The following CSMD1 variants were observed in gnomAD, a reference collection of about 807,000 sequenced individuals.
CSMD1 encodes CUB and sushi domain-containing protein 1.
A neutral mutation model predicts 417.5 loss-of-function variants in CSMD1; 213 were observed. That is an observed-to-expected ratio of 0.51 (90% CI 0.46 to 0.57). The LOEUF (loss-of-function observed/expected upper bound fraction) is 0.57, where lower values mean the gene tolerates loss of function less well. Ranked by LOEUF, CSMD1 falls within the 20% of genes least tolerant of loss-of-function variation. CSMD1 has a pLI of 0.00. For missense variants in CSMD1, 6,923 were observed against 4,529.7 expected (o/e 1.53, Z -15.17); for synonymous variants, 2,862 against 1,736.8 (o/e 1.65, Z -16.11).
chr8:3,693,069 A>C (rs2623597), intron 7 of CSMD1, among the ~76,000 whole-genome samples: 143,580 of 152,186 alleles, frequency 0.94, 67,802 homozygotes, highest in East Asian at 1. Context: ...AATAATCAGG[A>C]ATACATTTAT....
chr8:4,034,388 G>C (rs545023430), intron 3 of CSMD1, among the ~76,000 whole-genome samples: 115 of 152,290 alleles, frequency 7.6e-4, no homozygotes, highest in Non-Finnish European at 1.4e-3. Context: ...ACAGAAATCT[G>C]TTTGAAAACA....
chr8:4,847,508 T>C (rs1397707516), intron 1 of CSMD1, among the ~76,000 whole-genome samples: 4 of 152,220 alleles, frequency 2.6e-5, no homozygotes. Flanking sequence ...CATGTTAAAT[T>C]AGTGTCATAC....
At chr8:3,188,682 G>A (rs75228834) in intron 35 of CSMD1, among the ~76,000 whole-genome samples, 20,952 of 151,884 alleles carry the variant, frequency 0.14, 1,813 homozygotes, top group Admixed American at 0.21. Flanking sequence ...TCAAAATATA[G>A]AAAAATGGTT....
intron 2 of CSMD1, among the ~76,000 whole-genome samples, chr8:4,581,408 A>G (rs979091753): frequency 7.2e-5 from 11 of 152,158 alleles, no homozygotes; most frequent in Admixed American, 7.2e-4. Context: ...TATGACTCCA[A>G]TTTTTATCTT....
chr8:4,504,520 T>C (rs1457134603), intron 2 of CSMD1, among the ~76,000 whole-genome samples: 1 of 152,124 alleles, frequency 6.6e-6, no homozygotes, highest in Non-Finnish European at 1.5e-5. Flanking sequence ...AACATGCAGG[T>C]TCGTTACATA....
At chr8:4,397,693 T>A (rs1454347944) in intron 3 of CSMD1, among the ~76,000 whole-genome samples, 1 of 152,050 alleles carries the variant, frequency 6.6e-6, no homozygotes, top group Non-Finnish European at 1.5e-5. Flanking sequence ...AAATAGATAT[T>A]AATAAGATTT....
rs554148014 is a variant in CSMD1 at position 4,374,723 on chromosome 8, G to C, written c.415+45230C>G. 1.7e-4 allele frequency among the ~76,000 whole-genome samples: 26 copies of C among 152,268 alleles called. 1 individual carries two copies. The highest frequency in any genetic ancestry group is 6.3e-4 in the African/African-American group (26 of 41,548). On this transcript the variant is annotated intron_variant, in intron 3 of 69. Transcript: ENST00000635120. ...AGCAGCTGCATCCGTGTCTGGAGCA[G>C]ACTAAGCATGAGCAGCAGAGACGTC...
intron 25 of CSMD1, among the ~76,000 whole-genome samples, chr8:3,294,843 T>G (rs1235817520): frequency 2.0e-5 from 3 of 152,108 alleles, no homozygotes; most frequent in Non-Finnish European, 2.9e-5. Context: ...GCACCCACTT[T>G]CCGACACTCC....
chr8:3,531,572 C>A (rs1797981734), intron 10 of CSMD1, among the ~76,000 whole-genome samples: 1 of 152,158 alleles, frequency 6.6e-6, no homozygotes, highest in African/African-American at 2.4e-5. Flanking sequence ...CCATGCAGTC[C>A]AGGTTCCATC....
intron 8 of CSMD1, among the ~76,000 whole-genome samples, chr8:3,586,712 T>C (rs1800617145): frequency 6.6e-6 from 1 of 152,228 alleles, no homozygotes; most frequent in Non-Finnish European, 1.5e-5. Flanking sequence ...TGTATTTTGC[T>C]ATCACACATG....
intron 60 of CSMD1, 141 bp downstream of exon 60, chr8:2,963,081 T>A: frequency 1.1e-6 from 1 of 901,916 alleles, no homozygotes; most frequent in Non-Finnish European, 1.7e-6. Context: ...CAACACAGTC[T>A]CAAGTTTGAG....
chr8:3,298,982 C>A (rs192993002), intron 25 of CSMD1, among the ~76,000 whole-genome samples: 14 of 152,278 alleles, frequency 9.2e-5, no homozygotes, highest in Admixed American at 9.2e-4. Context: ...GAAAAACAAA[C>A]ATGCACCCTG....
Position 3,960,168 on chromosome 8 carries a change from G to C in CSMD1, c.818+37735C>G, listed in dbSNP as rs555194248. Among the ~76,000 whole-genome samples the C allele has an allele frequency of 2.0e-5, 3 of 152,216 alleles. No homozygotes were observed. In the South Asian group the frequency reaches 6.2e-4, roughly 32 times the overall value. On this transcript the variant is annotated intron_variant, in intron 5 of 69. Transcript: ENST00000635120. ...GACATTTTTTACAGCGTATCTTCTT[G>C]TATGTTGCCTTTACTTGTGAATTTT...
chr8:4,020,708 G>C (rs894243381), intron 4 of CSMD1, among the ~76,000 whole-genome samples: 3 of 152,142 alleles, frequency 2.0e-5, no homozygotes, highest in Non-Finnish European at 4.4e-5. Flanking sequence ...GCGAATCCGC[G>C]TGTTCCTCAA....
chr8:3,922,188 G>C (rs758727910), intron 5 of CSMD1, among the ~76,000 whole-genome samples: 5 of 151,648 alleles, frequency 3.3e-5, no homozygotes, highest in African/African-American at 1.2e-4. Flanking sequence ...TAAAAATATA[G>C]ACAACCCTAC....
At chr8:3,051,424 C>T (rs1404250242) in intron 50 of CSMD1, among the ~76,000 whole-genome samples, 2 of 152,144 alleles carry the variant, frequency 1.3e-5, no homozygotes, top group Non-Finnish European at 2.9e-5. Flanking sequence ...AAGGCAGCAA[C>T]AGACACTGGG....
chr8:4,196,326 C>T (rs903169444), intron 3 of CSMD1, among the ~76,000 whole-genome samples: 1 of 152,186 alleles, frequency 6.6e-6, no homozygotes, highest in African/African-American at 2.4e-5. Flanking sequence ...TACATTACTA[C>T]AAATAGAGCG....
chr8:4,738,048 A>G (rs974030357), intron 1 of CSMD1, among the ~76,000 whole-genome samples: 2 of 152,238 alleles, frequency 1.3e-5, no homozygotes, highest in Non-Finnish European at 2.9e-5. Context: ...GAAAAGTGGT[A>G]ATAGTAAAAA....
In CSMD1 at chr8:3,665,457, A is replaced by C. The variant is rs201435676; in HGVS notation, c.1009+42957T>G. The stretch of plus-strand genomic sequence containing the variant: ...GGCACAAGAATTGCTTGAACCCGGG[A>C]GACGGAGGTTGCAGTGAGCCAAGAT... On this transcript the variant is annotated intron_variant, in intron 7 of 69. Transcript: ENST00000635120. Among the ~76,000 whole-genome samples the C allele has an allele frequency of 2.3e-4, 35 of 152,280 alleles. 1 individual carries two copies. In the East Asian group the frequency reaches 2.9e-3, roughly 13 times the overall value.
Sources: allele counts gnomAD v4.1 joint callset (sites outside exome capture counted in the v4.1 genomes callset), GRCh38; gene constraint gnomAD v4.1.1; transcripts MANE v1.5; gene names NCBI Gene and HGNC (gene_info 2026-07-23, HGNC 2026-07-21).